RP1: variants seen among roughly 807,000 people sequenced by gnomAD.
The protein encoded by RP1 is RP1 axonemal microtubule associated.
RP1 carries 16 observed loss-of-function variants against 14.8 expected under a neutral mutation model. The observed-to-expected ratio is 1.08, with a 90% CI of 0.73 to 1.65. The LOEUF (loss-of-function observed/expected upper bound fraction) is 1.65. Ranked by LOEUF, RP1 falls within the 40% of genes most tolerant of loss-of-function variation. The probability of loss-of-function intolerance (pLI) is 0.00; values close to 1 mark genes in which losing one functional copy is unlikely to be tolerated. For synonymous variants in RP1, 876 were observed against 883.6 expected (o/e 0.99, Z 0.15); for missense variants, 2,631 against 2,535.0 (o/e 1.04, Z -0.81).
intron 16 of RP1, among the ~76,000 whole-genome samples, chr8:54,721,384 G>T (rs943426824): frequency 1.1e-4 from 17 of 152,322 alleles, no homozygotes; most frequent in Non-Finnish European, 2.2e-4. Flanking sequence ...GCTAGCAGAA[G>T]AATACAGGAG....
chr8:54,594,446 C>G (rs1805096780), intron 1 of RP1, among the ~76,000 whole-genome samples: 1 of 152,200 alleles, frequency 6.6e-6, no homozygotes, highest in East Asian at 1.9e-4. Flanking sequence ...TATGAGTGCC[C>G]TACCTTTTGT....
chr8:54,648,217 G>A (rs1035200730), intron 3 of RP1, among the ~76,000 whole-genome samples: 4 of 152,116 alleles, frequency 2.6e-5, no homozygotes, highest in Non-Finnish European at 5.9e-5. Flanking sequence ...CCTAGTCGCA[G>A]GTAGTAGCTT....
At chr8:54,859,632 G>A (rs983874838) in intron 27 of RP1, among the ~76,000 whole-genome samples, 2 of 151,962 alleles carry the variant, frequency 1.3e-5, no homozygotes, top group African/African-American at 2.4e-5. Flanking sequence ...GGGTGTTACC[G>A]TAGATGAGTG....
chr8:54,776,027 C>T (rs1810028815), intron 23 of RP1, among the ~76,000 whole-genome samples: 1 of 152,062 alleles, frequency 6.6e-6, no homozygotes, highest in East Asian at 1.9e-4. Flanking sequence ...AGAAAAAAAC[C>T]CAAACAATAA....
At chr8:54,778,633 T>C (rs1167786581) in intron 23 of RP1, among the ~76,000 whole-genome samples, 1 of 152,156 alleles carries the variant, frequency 6.6e-6, no homozygotes, top group African/African-American at 2.4e-5. Context: ...ATGTTAATGC[T>C]TCTTAAGAGA....
chr8:54,833,652 T>C (rs1196457074), intron 24 of RP1, among the ~76,000 whole-genome samples: 1 of 152,062 alleles, frequency 6.6e-6, no homozygotes, highest in African/African-American at 2.4e-5. Context: ...CAGGACTTTG[T>C]TTTCCAATAG....
chr8:54,680,192 C>T (rs1224116468), intron 12 of RP1, among the ~76,000 whole-genome samples: 1 of 151,984 alleles, frequency 6.6e-6, no homozygotes, highest in African/African-American at 2.4e-5. Context: ...TATCAAAACA[C>T]CATGTTAAAT....
intron 24 of RP1, among the ~76,000 whole-genome samples, chr8:54,829,342 T>C (rs1396694887): frequency 2.0e-5 from 3 of 152,166 alleles, no homozygotes; most frequent in Non-Finnish European, 2.9e-5. Context: ...CAAAACATCA[T>C]GGGAACTTTG....
intron 23 of RP1, among the ~76,000 whole-genome samples, chr8:54,777,958 T>C (rs750296219): frequency 1.3e-5 from 2 of 152,228 alleles, no homozygotes; most frequent in Non-Finnish European, 2.9e-5. Flanking sequence ...TTTTTGTTAA[T>C]TGATAAATAG....
chr8:54,693,099 G>C (rs535435818), intron 12 of RP1, among the ~76,000 whole-genome samples: 3 of 152,154 alleles, frequency 2.0e-5, no homozygotes, highest in East Asian at 1.9e-4. Flanking sequence ...GCTTGTTTTT[G>C]TCAGGTTTGT....
chr8:54,587,954 C>G (rs981978630), intron 1 of RP1, among the ~76,000 whole-genome samples: 5 of 152,124 alleles, frequency 3.3e-5, no homozygotes, highest in Admixed American at 1.3e-4. Context: ...TAAGTTTAGA[C>G]CATTTAAAAT....
chr8:54,609,427 C>T (rs543157203), intron 1 of RP1, among the ~76,000 whole-genome samples: 15 of 152,252 alleles, frequency 9.9e-5, no homozygotes, highest in African/African-American at 3.6e-4. Flanking sequence ...GTACTCCAGC[C>T]TGTGTGACAG....
chr8:54,562,223 A>G (rs1278139648), intron 1 of RP1, among the ~76,000 whole-genome samples: 1 of 152,264 alleles, frequency 6.6e-6, no homozygotes, highest in Non-Finnish European at 1.5e-5. Flanking sequence ...AAACTAGTGA[A>G]TATGAATATG....
chr8:54,605,249 C>T (rs947096617), intron 1 of RP1, among the ~76,000 whole-genome samples: 6 of 152,160 alleles, frequency 3.9e-5, no homozygotes, highest in African/African-American at 1.4e-4. Context: ...TCTTTGTTCT[C>T]ATTGATTTCA....
At chr8:54,696,699 T>C (rs1807873134) in intron 12 of RP1, 2 of 716,646 alleles carry the variant, frequency 2.8e-6, no homozygotes, top group Non-Finnish European at 4.9e-6. Flanking sequence ...GGTGTGATTT[T>C]ACTGGTGCAG....
At chr8:54,783,594 G>A (rs560972758) in exon 24 of RP1, 17 of 1,231,544 alleles carry the variant, frequency 1.4e-5, no homozygotes, top group East Asian at 9.5e-5. Context: ...TGAAAATGCC[G>A]GCACCACGGC....
chr8:54,628,773 G>A lies in RP1; in HGVS notation c.4891G>A (p.Ala1631Thr). 6.2e-7 allele frequency: 1 copy of A among 1,614,042 alleles called. No homozygotes were observed. Among genetic ancestry groups the A allele is most frequent in the Non-Finnish European group, 8.5e-7 (1 of 1,179,962 alleles). ...KEYNIGFVKR[A>T]IEKLYGKADI... Reference sequence around the variant, plus strand: ...ATATAACATAGGATTTGTTAAAAGGGCAATAGAAAAACTGTACGGTAAAGC... The same window carrying A: ...ATATAACATAGGATTTGTTAAAAGGACAATAGAAAAACTGTACGGTAAAGC... Residue 1631 changes from alanine (A) to threonine (T), a missense_variant, in exon 4 of 4, where the codon GCA (alanine) becomes ACA (threonine). Transcript: ENST00000220676.
In RP1 at chr8:54,626,485, G is replaced by A. The variant is rs1224286731; in HGVS notation, c.2603G>A (p.Ser868Asn). 6.2e-7 allele frequency: 1 copy of A among 1,613,686 alleles called. No homozygotes were observed. The highest frequency in any genetic ancestry group is 8.5e-7 in the Non-Finnish European group (1 of 1,179,882). ...KVTDSHITLK[S>N]QKKRKGDKVK... ...ACTGATTCACACATAACTTTAAAAA[G>A]CCAGAAAAAACGTAAAGGGGATAAA... Residue 868 changes from serine (S) to asparagine (N), a missense_variant, in exon 4 of 4, where the codon AGC becomes AAC. Ser to Asn is a conservative substitution (Grantham distance 46). Coordinates refer to ENST00000220676, the MANE Select transcript of RP1 (RefSeq NM_006269.2).
chr8:54,807,620 A>G (rs1810884654), intron 24 of RP1, among the ~76,000 whole-genome samples: 1 of 151,440 alleles, frequency 6.6e-6, no homozygotes, highest in African/African-American at 2.4e-5. Flanking sequence ...ATCTCTATCT[A>G]CCTGTCTGTC....
Sources: gnomAD v4.1 joint callset for allele counts (sites outside exome capture counted in the v4.1 genomes callset) on GRCh38, gnomAD v4.1.1 for gene constraint, MANE v1.5 for transcripts, NCBI Gene and HGNC (gene_info 2026-07-23, HGNC 2026-07-21) for gene names.